Variants in PCDH9 observed in about 807,000 individuals in gnomAD.
The protein encoded by PCDH9 is protocadherin-9.
In PCDH9, 24 loss-of-function variants were observed where a neutral mutation model predicts 70.6. The observed-to-expected ratio is 0.34, with a 90% CI of 0.25 to 0.48. PCDH9 has a LOEUF of 0.48. Among genes scored for constraint, PCDH9 ranks in the 20% least tolerant of loss-of-function variants. The probability of loss-of-function intolerance (pLI) is 0.99; values close to 1 mark genes in which losing one functional copy is unlikely to be tolerated. For synonymous variants in PCDH9, 562 were observed against 558.5 expected (o/e 1.01, Z -0.09); for missense variants, 1,281 against 1,503.6 (o/e 0.85, Z 2.45).
chr13:66,806,795 T>C (rs895500356), intron 3 of PCDH9, among the ~76,000 whole-genome samples: 1 of 152,280 alleles, frequency 6.6e-6, no homozygotes, highest in African/African-American at 2.4e-5. Flanking sequence ...CAGGCAAGCA[T>C]TCATCAACCA....
intron 2 of PCDH9, among the ~76,000 whole-genome samples, chr13:67,146,823 C>G (rs1245910670): frequency 2.0e-5 from 3 of 152,154 alleles, no homozygotes; most frequent in Non-Finnish European, 4.4e-5. Context: ...CACACTTCCA[C>G]TTAAGAGTTG....
chr13:66,585,257 T>C (rs776788401), intron 4 of PCDH9, among the ~76,000 whole-genome samples: 1 of 152,120 alleles, frequency 6.6e-6, no homozygotes. Flanking sequence ...ATGAGACACA[T>C]AAAAATAGAA....
intron 3 of PCDH9, among the ~76,000 whole-genome samples, chr13:66,849,980 G>A (rs1253130330): frequency 1.3e-5 from 2 of 152,038 alleles, no homozygotes; most frequent in African/African-American, 2.4e-5. Context: ...AGTCCCTAGC[G>A]GCCACTTAAT....
intron 2 of PCDH9, chr13:67,211,519 T>C (rs1024752802): frequency 3.3e-5 from 5 of 152,104 alleles, no homozygotes; most frequent in East Asian, 1.9e-4. Context: ...GACCTTCCTA[T>C]ATAAACATTT....
At chr13:66,961,512 G>A (rs1217760261) in intron 2 of PCDH9, among the ~76,000 whole-genome samples, 2 of 152,138 alleles carry the variant, frequency 1.3e-5, no homozygotes, top group Admixed American at 6.5e-5. Flanking sequence ...ATCAATGAAA[G>A]GCTGGGTATG....
intron 3 of PCDH9, among the ~76,000 whole-genome samples, chr13:66,702,976 C>T (rs183501848): frequency 5.8e-4 from 89 of 152,212 alleles, no homozygotes; most frequent in African/African-American, 2.0e-3. Flanking sequence ...ATATATTGAT[C>T]TGTGTATACA....
At chr13:67,072,199 A>G (rs9540989) in intron 2 of PCDH9, among the ~76,000 whole-genome samples, 16,683 of 152,118 alleles carry the variant, frequency 0.11, 1,000 homozygotes, top group African/African-American at 0.13. Flanking sequence ...CACAGAAGCA[A>G]AAAGGTCACT....
In PCDH9 at chr13:66,304,704, T is replaced by C; in HGVS notation, c.3665A>G (p.Tyr1222Cys). ...CTCAGTAGCACCTCCTGCTTGCTTA[T>C]AAGACTTCAGATTTGCCAGAGGAAT... ...TDIPLANLKS[Y>C]KQAGGATESP... The change falls in exon 5 of 5, where the codon TAT becomes TGT. Residue 1222 changes from tyrosine to cysteine, a missense_variant. Around this residue, in one of 4 missense-constraint regions of PCDH9, gnomAD observed 264 missense variants for 278.8 expected, o/e 0.95. Transcript: ENST00000377865. 6.2e-7 allele frequency: 1 copy of C among 1,613,432 alleles called. No individual in the cohort carries two copies. Among genetic ancestry groups the C allele is most frequent in the South Asian group, 1.1e-5 (1 of 91,072 alleles).
At chr13:66,930,805 T>C (rs2082794603) in intron 2 of PCDH9, among the ~76,000 whole-genome samples, 1 of 152,136 alleles carries the variant, frequency 6.6e-6, no homozygotes, top group Admixed American at 6.6e-5. Flanking sequence ...GTCCACATTT[T>C]CTGACCCACC....
chr13:67,072,265 A>G (rs1306630525), intron 2 of PCDH9, among the ~76,000 whole-genome samples: 1 of 152,144 alleles, frequency 6.6e-6, no homozygotes, highest in Non-Finnish European at 1.5e-5. Context: ...TATCTGTTCT[A>G]CTTCCCCTGA....
intron 2 of PCDH9, among the ~76,000 whole-genome samples, chr13:66,939,855 G>T (rs2082980071): frequency 6.6e-6 from 1 of 152,144 alleles, no homozygotes; most frequent in African/African-American, 2.4e-5. Flanking sequence ...TTTATTTCTA[G>T]AGCTGTGTAT....
At chr13:66,901,714 C>T in intron 3 of PCDH9, among the ~76,000 whole-genome samples, 1 of 151,384 alleles carries the variant, frequency 6.6e-6, no homozygotes. Flanking sequence ...TGCTTCGGAC[C>T]TTATAAAATA....
chr13:67,017,447 T>C (rs1382387423), intron 2 of PCDH9, among the ~76,000 whole-genome samples: 1 of 152,154 alleles, frequency 6.6e-6, no homozygotes, highest in Non-Finnish European at 1.5e-5. Flanking sequence ...AATACCCCTG[T>C]TTACAAGAAT....
chr13:67,221,788 G>T (rs1206726371), intron 2 of PCDH9: 1 of 152,112 alleles, frequency 6.6e-6, no homozygotes, highest in Admixed American at 6.6e-5. Context: ...TTACTGTAAA[G>T]CCTCCAGCTA....
chr13:66,433,229 G>A (rs1957805579), intron 4 of PCDH9, among the ~76,000 whole-genome samples: 1 of 151,866 alleles, frequency 6.6e-6, no homozygotes, highest in African/African-American at 2.4e-5. Context: ...CTTGCCAAAT[G>A]TTAATTAAAA....
intron 4 of PCDH9, among the ~76,000 whole-genome samples, chr13:66,433,339 T>G (rs553006877): frequency 3.7e-4 from 57 of 152,050 alleles, no homozygotes; most frequent in African/African-American, 1.3e-3. Flanking sequence ...TATACTTTCA[T>G]CATTTATTAA....
At chr13:66,839,607 C>T (rs896827583) in intron 3 of PCDH9, among the ~76,000 whole-genome samples, 16 of 152,166 alleles carry the variant, frequency 1.1e-4, no homozygotes, top group Non-Finnish European at 2.2e-4. Context: ...CTCCCTGTCT[C>T]CACTTCTGCA....
chr13:66,464,675 G>A (rs1056215807), intron 4 of PCDH9, among the ~76,000 whole-genome samples: 1 of 151,892 alleles, frequency 6.6e-6, no homozygotes, highest in Admixed American at 6.6e-5. Flanking sequence ...GAACAAATCT[G>A]TTACTTTTCC....
intron 2 of PCDH9, among the ~76,000 whole-genome samples, chr13:67,053,310 A>G (rs1210628205): frequency 6.6e-6 from 1 of 152,222 alleles, no homozygotes; most frequent in African/African-American, 2.4e-5. Flanking sequence ...CAGGAACTGC[A>G]GAATGGAAGA....
Sources: gnomAD v4.1 joint callset for allele counts (sites outside exome capture counted in the v4.1 genomes callset) on GRCh38, gnomAD v4.1.1 for gene constraint, gnomAD v4.1.1 regional missense constraint, MANE v1.5 for transcripts, NCBI Gene and HGNC (gene_info 2026-07-23, HGNC 2026-07-21) for gene names.